SORCS3: variants seen among roughly 807,000 people sequenced by gnomAD.
SORCS3 encodes sortilin related VPS10 domain containing receptor 3, also known as VPS10 domain-containing receptor SorCS3.
Under a neutral mutation model 146.3 loss-of-function variants are expected in SORCS3, and 57 were observed. That is an observed-to-expected ratio of 0.39 (90% confidence interval 0.31 to 0.49). The LOEUF (loss-of-function observed/expected upper bound fraction) is 0.49. Ranked by LOEUF, SORCS3 falls within the 20% of genes least tolerant of loss-of-function variation. The pLI is 0.92. For synonymous variants in SORCS3, 653 were observed against 618.5 expected (o/e 1.06, Z -0.83); for missense variants, 1,341 against 1,575.5 (o/e 0.85, Z 2.52).
chr10:104,690,050 G>A (rs763283142), intron 1 of SORCS3, among the ~76,000 whole-genome samples: 2 of 152,180 alleles, frequency 1.3e-5, no homozygotes, highest in African/African-American at 2.4e-5. Context: ...TTTTCTGGAA[G>A]CATGAGGGAT....
chr10:104,921,057 G>C (rs1017684603), intron 3 of SORCS3, among the ~76,000 whole-genome samples: 1 of 152,242 alleles, frequency 6.6e-6, no homozygotes, highest in Non-Finnish European at 1.5e-5. Context: ...AAGCAAGAGA[G>C]TGTATGGTTT....
At chr10:104,744,870 T>C (rs1489867227) in intron 1 of SORCS3, among the ~76,000 whole-genome samples, 1 of 152,202 alleles carries the variant, frequency 6.6e-6, no homozygotes, top group Admixed American at 6.5e-5. Context: ...ATGAGTGGTG[T>C]ATTAAAAGTG....
chr10:104,957,554 A>AACACACACAC lies in SORCS3; in HGVS notation c.796-19764_796-19755dup, dbSNP rs10660859. The stretch of plus-strand genomic sequence containing the variant: ...CTTTCTTTCTGCAATAAGGAAAGAA[A>AACACACACAC]ACACACACACACACACACACACACA... On this transcript the variant is annotated intron_variant, in intron 3 of 26. Transcript: ENST00000369701. Among the ~76,000 whole-genome samples, 1,162 of 148,462 alleles carry AACACACACAC rather than the reference A, an allele frequency of 7.8e-3. 3 individuals are homozygous for AACACACACAC. Among genetic ancestry groups the AACACACACAC allele is most frequent in the Non-Finnish European group, 0.01 (675 of 66,856 alleles).
At chr10:104,957,439 T>C (rs957100074) in intron 3 of SORCS3, among the ~76,000 whole-genome samples, 2 of 152,108 alleles carry the variant, frequency 1.3e-5, no homozygotes, top group African/African-American at 2.4e-5. Flanking sequence ...AGCTTTGAAA[T>C]CAGAAGTGGC....
chr10:104,679,497 T>C (rs1243532009), intron 1 of SORCS3, among the ~76,000 whole-genome samples: 1 of 152,232 alleles, frequency 6.6e-6, no homozygotes, highest in East Asian at 1.9e-4. Context: ...AGGGCTCACT[T>C]TTCCTGTCTT....
intron 2 of SORCS3, among the ~76,000 whole-genome samples, chr10:104,880,712 C>T (rs776106475): frequency 8.5e-5 from 13 of 152,208 alleles, no homozygotes; most frequent in Admixed American, 1.3e-4. Flanking sequence ...CATTATCCAG[C>T]CCTCTATTAG....
At chr10:105,090,949 G>A (rs142226986) in intron 6 of SORCS3, among the ~76,000 whole-genome samples, 10 of 152,308 alleles carry the variant, frequency 6.6e-5, no homozygotes, top group Admixed American at 2.0e-4. Context: ...GAGGCCAACC[G>A]TAGATGCATG....
chr10:104,911,096 T>C (rs2018961863), intron 2 of SORCS3, among the ~76,000 whole-genome samples: 1 of 152,234 alleles, frequency 6.6e-6, no homozygotes, highest in Non-Finnish European at 1.5e-5. Context: ...TGCTTTCTTG[T>C]AAGAGCAAGT....
At chr10:105,242,830 TTATATATATATTTTTATATATAAATTA>T (rs1374377099) in intron 20 of SORCS3, among the ~76,000 whole-genome samples, 1 of 60,726 alleles carries the variant, frequency 1.6e-5, no homozygotes, top group Non-Finnish European at 3.1e-5. Flanking sequence ...TATATATAAA[TTATATATATATTTTTATATATAAATTA>T]TATATATATT....
intron 2 of SORCS3, among the ~76,000 whole-genome samples, chr10:104,897,922 C>G (rs1032452238): frequency 1.3e-5 from 2 of 152,232 alleles, no homozygotes; most frequent in Admixed American, 1.3e-4. Flanking sequence ...CTCACATTCA[C>G]TTAGTCCAGC....
chr10:105,103,901 C>T (rs1263713624), intron 6 of SORCS3, among the ~76,000 whole-genome samples: 2 of 152,192 alleles, frequency 1.3e-5, no homozygotes, highest in Non-Finnish European at 2.9e-5. Context: ...GAGTAAACCC[C>T]TTCCTAGACA....
chr10:104,883,500 C>A (rs2018650671), intron 2 of SORCS3, among the ~76,000 whole-genome samples: 1 of 152,130 alleles, frequency 6.6e-6, no homozygotes, highest in African/African-American at 2.4e-5. Context: ...GAAATATGTA[C>A]TTTTAAAGGC....
intron 4 of SORCS3, among the ~76,000 whole-genome samples, 168 bp downstream of exon 4, chr10:104,977,661 T>C (rs982604865): frequency 1.3e-5 from 2 of 152,094 alleles, no homozygotes; most frequent in African/African-American, 4.8e-5. Flanking sequence ...TCCTTTCTGC[T>C]CTTAAGTATC....
At chr10:105,033,290 A>G (rs924840460) in intron 4 of SORCS3, among the ~76,000 whole-genome samples, 1 of 152,226 alleles carries the variant, frequency 6.6e-6, no homozygotes, top group Non-Finnish European at 1.5e-5. Context: ...AGAAGGTAAC[A>G]TAAAAGATAG....
At chr10:104,673,357 C>A (rs2015877030) in intron 1 of SORCS3, among the ~76,000 whole-genome samples, 1 of 151,306 alleles carries the variant, frequency 6.6e-6, no homozygotes, top group African/African-American at 2.4e-5. Flanking sequence ...TTACTATTTT[C>A]TTTTGTGTGT....
chr10:105,112,885 C>A (rs527667741), intron 7 of SORCS3, among the ~76,000 whole-genome samples: 1 of 152,048 alleles, frequency 6.6e-6, no homozygotes, highest in Non-Finnish European at 1.5e-5. Context: ...ACTTAAATTT[C>A]GAACTTTTAA....
intron 3 of SORCS3, among the ~76,000 whole-genome samples, chr10:104,935,283 G>C (rs558723989): frequency 6.6e-6 from 1 of 152,282 alleles, no homozygotes; most frequent in South Asian, 2.1e-4. Context: ...CTGACCCACT[G>C]AACTCTATTG....
intron 4 of SORCS3, among the ~76,000 whole-genome samples, chr10:105,023,945 G>A (rs948596717): frequency 9.9e-5 from 15 of 152,092 alleles, no homozygotes; most frequent in Admixed American, 9.2e-4. Flanking sequence ...AAACAGGAGG[G>A]CAAGATCACA....
At chr10:105,006,646 T>C (rs2055097806) in intron 4 of SORCS3, among the ~76,000 whole-genome samples, 1 of 152,162 alleles carries the variant, frequency 6.6e-6, no homozygotes, top group Non-Finnish European at 1.5e-5. Context: ...TCTGGCCTTA[T>C]CTCTCTGTGC....
Sources: allele counts gnomAD v4.1 joint callset (sites outside exome capture counted in the v4.1 genomes callset), GRCh38; gene constraint gnomAD v4.1.1; transcripts MANE v1.5; gene names NCBI Gene and HGNC (gene_info 2026-07-23, HGNC 2026-07-21).